DHDDS: variants seen among roughly 807,000 people sequenced by gnomAD.
DHDDS encodes dehydrodolichyl diphosphate synthase complex subunit DHDDS.
Under a neutral mutation model 46.2 loss-of-function variants are expected in DHDDS, and 16 were observed. The ratio of observed to expected loss-of-function variants is 0.35; its 90% CI spans 0.23 to 0.53. DHDDS has a LOEUF of 0.53. Among genes scored for constraint, DHDDS ranks in the 20% least tolerant of loss-of-function variants. The probability of loss-of-function intolerance (pLI) is 0.94; values close to 1 mark genes in which losing one functional copy is unlikely to be tolerated. For missense variants in DHDDS, 340 were observed against 423.7 expected (o/e 0.80, Z 1.73); for synonymous variants, 151 against 163.1 (o/e 0.93, Z 0.56).
intron 6 of DHDDS, among the ~76,000 whole-genome samples, chr1:26,456,376 AAAAAT>A (rs967647750): frequency 2.1e-4 from 32 of 152,074 alleles, no homozygotes; most frequent in African/African-American, 7.5e-4. Context: ...TGTCTGGAAA[AAAAAT>A]AAAATATGTT....
chr1:26,447,449 T>C (rs1289903967), intron 5 of DHDDS, 110 bp from the exon 6 acceptor site: 4 of 829,268 alleles, frequency 4.8e-6, no homozygotes, highest in Non-Finnish European at 6.2e-6. Flanking sequence ...TAACATTTGA[T>C]GTGTATTTGT....
At chr1:26,432,732 G>A in intron 1 of DHDDS, 159 bp from the exon 2 acceptor site, 1 of 591,878 alleles carries the variant, frequency 1.7e-6, no homozygotes, top group Non-Finnish European at 3.0e-6. Flanking sequence ...AGGTCACATT[G>A]CGTTATAAAA....
chr1:26,438,585 C>G, intron 3 of DHDDS: 1 of 364,266 alleles, frequency 2.7e-6, no homozygotes, highest in South Asian at 2.2e-5. Flanking sequence ...ATTAGCCAGA[C>G]TTGATGGTGC....
chr1:26,469,185 C>T lies in DHDDS; in HGVS notation c.*54C>T. ...TGCCCTCTGCCTCCAGGGCTCCACTCCCCTTCCTTTTCTTGGTGAAAGGCA... is the reference window on the plus strand; with the variant it reads ...TGCCCTCTGCCTCCAGGGCTCCACTTCCCTTCCTTTTCTTGGTGAAAGGCA... On this transcript the variant is annotated 3_prime_UTR_variant, in exon 9 of 9. Transcript: ENST00000236342. 3 of 1,609,446 alleles carry T rather than the reference C, an allele frequency of 1.9e-6. No individual in the cohort carries two copies. The highest frequency in any genetic ancestry group is 1.1e-5 in the South Asian group (1 of 90,656).
In DHDDS at chr1:26,468,912, T is replaced by C. The variant is rs1465474377; in HGVS notation, c.783T>C (p.Tyr261=). The part of the protein sequence containing the change: ...HSVLQKARDM[Y]AEERKRQQLE... Reference sequence around the variant, plus strand: ...TCTAGCAGAAGGCCCGAGACATGTATGCAGAGGAGCGGAAGAGGCAGCAGC... The same window carrying C: ...TCTAGCAGAAGGCCCGAGACATGTACGCAGAGGAGCGGAAGAGGCAGCAGC... The change falls in exon 9 of 9, where the codon TAT becomes TAC. Residue 261 remains tyrosine (Y), a synonymous_variant. Coordinates refer to ENST00000236342, the MANE Select transcript of DHDDS (RefSeq NM_205861.3). 2.5e-6 allele frequency: 4 copies of C among 1,613,478 alleles called. No homozygotes were observed. The highest frequency in any genetic ancestry group is 3.4e-6 in the Non-Finnish European group (4 of 1,179,956).
chr1:26,441,583 C>A (rs954971315), intron 3 of DHDDS, among the ~76,000 whole-genome samples: 4 of 152,066 alleles, frequency 2.6e-5, no homozygotes, highest in African/African-American at 4.8e-5. Context: ...TTTATCTAAC[C>A]CATACCCCTG....
At chr1:26,457,500 T>C (rs777322349) in intron 6 of DHDDS, among the ~76,000 whole-genome samples, 18 of 147,130 alleles carry the variant, frequency 1.2e-4, no homozygotes, top group South Asian at 6.4e-4. Context: ...AAATACCTTA[T>C]GTATCAGAAC....
chr1:26,435,038 C>T (rs2075139706), intron 2 of DHDDS, among the ~76,000 whole-genome samples: 1 of 151,364 alleles, frequency 6.6e-6, no homozygotes, highest in Non-Finnish European at 1.5e-5. Flanking sequence ...CAGACAGAGT[C>T]TCACTCTGTC....
intron 5 of DHDDS, among the ~76,000 whole-genome samples, chr1:26,446,888 A>G (rs1172393460): frequency 1.3e-5 from 2 of 152,238 alleles, no homozygotes; most frequent in Non-Finnish European, 1.5e-5. Context: ...AAACTCTGTG[A>G]TGTGTAGCTT....
rs77122971 is a variant in DHDDS at position 26,469,754 on chromosome 1, G to C, written c.*623G>C. 1 of 159,280 alleles carries C rather than the reference G, an allele frequency of 6.3e-6. No homozygotes were observed. Among genetic ancestry groups the C allele is most frequent in the Non-Finnish European group, 1.4e-5 (1 of 71,516 alleles). The allele number at this position is 159,280 out of a possible 1,614,324, so 9.9% of individuals were successfully genotyped here. A position where few individuals can be genotyped will look rare whatever the true frequency, so the allele number is the denominator to read the frequency against. ...AGACTCAGCACCCCCAATGGTGCGC[G>C]GAAGCCAGGCGGGCGATTACAATCC... On this transcript the variant is annotated 3_prime_UTR_variant, in exon 9 of 9. Transcript: ENST00000236342.
rs1371524357 is a variant in DHDDS at position 26,459,969 on chromosome 1, G to T, written c.658-68G>T. 5 of 1,313,136 alleles carry T rather than the reference G, an allele frequency of 3.8e-6. No homozygotes were observed. The African/African-American group carries it at 7.3e-5, about 19-fold the overall frequency. The allele number at this position is 1,313,136 out of a possible 1,614,324, so 81.3% of individuals were successfully genotyped here. A position where few individuals can be genotyped will look rare whatever the true frequency, so the allele number is the denominator to read the frequency against. On this transcript the variant is annotated intron_variant, in intron 7 of 8. Transcript: ENST00000236342. ...TCCTGCTTAGCCTGCTTTTTCCCTG[G>T]AGGACTGACCAGGGATGCGGCCCAG...
In DHDDS at chr1:26,468,987, C is replaced by T; in HGVS notation, c.858C>T (p.Leu286=). 1.2e-6 allele frequency: 2 copies of T among 1,614,162 alleles called. No homozygotes were observed. Among genetic ancestry groups the T allele is most frequent in the East Asian group, 2.2e-5 (1 of 44,882 alleles). ...CAGAGCAGCTGCTGCGAGAGGGGCTCCAAGCCAGTGGGGACGCCCAGCTCC... is the reference window on the plus strand; with the variant it reads ...CAGAGCAGCTGCTGCGAGAGGGGCTTCAAGCCAGTGGGGACGCCCAGCTCC... ...TVTEQLLREG[L]QASGDAQLRR... Residue 286 remains leucine (L), a synonymous_variant, in exon 9 of 9, where the codon CTC becomes CTT. Coordinates refer to ENST00000236342, the MANE Select transcript of DHDDS (RefSeq NM_205861.3).
At position 26,460,858 on chromosome 1, in the gene DHDDS, C is replaced by A. The variant is rs1216595586; in HGVS notation, c.765+714C>A. ...AGACTTAAGTAACTGTCCCAAGGAA[C>A]CTGAATTTTATCTTTATTTATTTAT... On this transcript the variant is annotated intron_variant, in intron 8 of 8. Coordinates refer to ENST00000236342, the MANE Select transcript of DHDDS (RefSeq NM_205861.3). 2.6e-5 allele frequency among the ~76,000 whole-genome samples: 4 copies of A among 152,104 alleles called. No homozygotes were observed. The South Asian group carries it at 6.2e-4, about 24-fold the overall frequency.
At chr1:26,455,038 AT>A in intron 6 of DHDDS, 1 of 1,180,896 alleles carries the variant, frequency 8.5e-7, no homozygotes, top group Non-Finnish European at 1.3e-6. Flanking sequence ...GTAAAGTGAC[AT>A]CTTTCAGGTA....
In DHDDS at chr1:26,457,919, A is replaced by T. The variant is rs1201895795; in HGVS notation, c.657+14A>T. The T allele has an allele frequency of 6.2e-7, 1 of 1,601,424 alleles. No individual in the cohort carries two copies. The highest frequency in any genetic ancestry group is 1.3e-5 in the African/African-American group (1 of 74,558). On this transcript the variant is annotated intron_variant, in intron 7 of 8. Transcript: ENST00000236342. ...TTGCTATGGCAGGTAGGTCATTTCC[A>T]AGTACTATTATGTTTGTGTCATGGG...
At chr1:26,433,135 CA>C in intron 2 of DHDDS, 127 bp downstream of exon 2, 3 of 1,002,226 alleles carry the variant, frequency 3.0e-6, no homozygotes, top group Non-Finnish European at 4.7e-6. Context: ...GCAAGGAAAC[CA>C]AAGAGTCTTA....
chr1:26,440,483 A>G (rs905700129), intron 3 of DHDDS, among the ~76,000 whole-genome samples: 2 of 152,182 alleles, frequency 1.3e-5, no homozygotes, highest in African/African-American at 2.4e-5. Context: ...GGGGTTAGCA[A>G]TCTCTATCTC....
At chr1:26,462,819 A>G (rs1416678690) in intron 8 of DHDDS, 1 of 152,234 alleles carries the variant, frequency 6.6e-6, no homozygotes, top group African/African-American at 2.4e-5. Context: ...GGCACAGGAG[A>G]GTCAACAGGT....
intron 8 of DHDDS, among the ~76,000 whole-genome samples, chr1:26,465,069 T>TA (rs2075468659): frequency 6.6e-6 from 1 of 152,046 alleles, no homozygotes; most frequent in Admixed American, 6.5e-5. Context: ...CAGGGACAAA[T>TA]AGAGAATCAG....
Sources: gnomAD v4.1 joint callset for allele counts (sites outside exome capture counted in the v4.1 genomes callset) on GRCh38, gnomAD v4.1.1 for gene constraint, MANE v1.5 for transcripts, NCBI Gene and HGNC (gene_info 2026-07-23, HGNC 2026-07-21) for gene names.